The following GPR158 variants were observed in gnomAD, a reference collection of about 807,000 sequenced individuals.
GPR158 encodes metabotropic glycine receptor.
A neutral mutation model predicts 78.2 loss-of-function variants in GPR158; 30 were observed. The ratio of observed to expected loss-of-function variants is 0.38; its 90% CI spans 0.29 to 0.52. The LOEUF is 0.52. GPR158 is among the 20% of genes least tolerant of loss of function. The pLI is 0.83. For synonymous variants in GPR158, 581 were observed against 591.1 expected, an observed-to-expected ratio of 0.98 and a Z score of 0.25; for missense variants, 1,463 against 1,523.5, an observed-to-expected ratio of 0.96 and a Z score of 0.66.
At chr10:25,546,920 T>A (rs1836668739) in intron 5 of GPR158, among the ~76,000 whole-genome samples, 1 of 152,076 alleles carries the variant, frequency 6.6e-6, no homozygotes, top group Admixed American at 6.6e-5. Flanking sequence ...ACCGCAGGGA[T>A]CAGATTAGTG....
At chr10:25,272,738 G>A (rs1854133243) in intron 2 of GPR158, among the ~76,000 whole-genome samples, 1 of 152,212 alleles carries the variant, frequency 6.6e-6, no homozygotes, top group Admixed American at 6.5e-5. Flanking sequence ...CAGAGATTGG[G>A]TGGGGAGGGG....
At chr10:25,382,049 G>A (rs1291887168) in intron 2 of GPR158, among the ~76,000 whole-genome samples, 1 of 152,222 alleles carries the variant, frequency 6.6e-6, no homozygotes, top group Admixed American at 6.5e-5. Context: ...CCCCAGTGAT[G>A]TGAACTGTGA....
At chr10:25,594,543 T>C (rs1041049962) in intron 9 of GPR158, 146 bp downstream of exon 9, 3 of 478,310 alleles carry the variant, frequency 6.3e-6, no homozygotes, top group African/African-American at 6.1e-5. Context: ...CTGGCTGTTT[T>C]CTCTTTGAAT....
At chr10:25,300,494 A>G (rs1854576804) in intron 2 of GPR158, among the ~76,000 whole-genome samples, 2 of 152,154 alleles carry the variant, frequency 1.3e-5, no homozygotes, top group Non-Finnish European at 2.9e-5. Context: ...TGCCATGTAA[A>G]GTAACATTTA....
chr10:25,280,070 G>C (rs1466981760), intron 2 of GPR158, among the ~76,000 whole-genome samples: 1 of 151,506 alleles, frequency 6.6e-6, no homozygotes, highest in African/African-American at 2.4e-5. Context: ...AAAAAGCATA[G>C]AAAAATCAGG....
chr10:25,270,145 G>T (rs1229054125), intron 2 of GPR158, among the ~76,000 whole-genome samples: 1 of 152,128 alleles, frequency 6.6e-6, no homozygotes, highest in African/African-American at 2.4e-5. Context: ...GATACTTCAG[G>T]TGTACTCCAT....
At chr10:25,473,675 A>G (rs1226238993) in intron 5 of GPR158, among the ~76,000 whole-genome samples, 2 of 152,124 alleles carry the variant, frequency 1.3e-5, no homozygotes, top group African/African-American at 2.4e-5. Context: ...TTTCTGGTTT[A>G]GTCTCAGTAG....
At chr10:25,323,700 T>G (rs1355288592) in intron 2 of GPR158, among the ~76,000 whole-genome samples, 1 of 148,436 alleles carries the variant, frequency 6.7e-6, no homozygotes, top group Non-Finnish European at 1.5e-5. Flanking sequence ...TTTTTTTTTA[T>G]AGAGACAGGT....
chr10:25,597,848 A>C lies in GPR158; in HGVS notation c.2222A>C (p.Gln741Pro), dbSNP rs781564663. Residue 741 changes from glutamine (Q) to proline (P), a missense_variant, in exon 11 of 11, where the codon CAG (glutamine) becomes CCG (proline). By Grantham distance (76) the Gln-to-Pro change is moderately conservative. Coordinates refer to ENST00000376351, the MANE Select transcript of GPR158 (RefSeq NM_020752.3). ...ATGATCACAAACAACCCCCACCTCC[A>C]GAAAAAGCGGTGCTCGAAGAAGGGC... is the stretch of plus-strand genomic sequence containing the variant. ...KKMITNNPHL[Q>P]KKRCSKKGLG... is the part of the protein sequence containing the mutation. 2.6e-6 allele frequency: 4 copies of C among 1,545,268 alleles called. No individual in the cohort carries two copies. Among genetic ancestry groups the C allele is most frequent in the Non-Finnish European group, 3.5e-6 (4 of 1,149,762 alleles).
intron 5 of GPR158, among the ~76,000 whole-genome samples, chr10:25,515,555 T>G (rs1836155906): frequency 8.3e-6 from 1 of 120,902 alleles, no homozygotes; most frequent in African/African-American, 3.1e-5. Context: ...GAGTGTGATA[T>G]TCCCCTTCCT....
intron 5 of GPR158, among the ~76,000 whole-genome samples, chr10:25,470,573 A>G (rs1209826880): frequency 1.3e-5 from 2 of 152,232 alleles, no homozygotes; most frequent in Non-Finnish European, 2.9e-5. Flanking sequence ...TAATTTTTTC[A>G]TAAAGTCATC....
chr10:25,540,163 A>G (rs1203255178), intron 5 of GPR158, among the ~76,000 whole-genome samples: 1 of 152,236 alleles, frequency 6.6e-6, no homozygotes, highest in Admixed American at 6.5e-5. Context: ...AAAAGAAGAC[A>G]TTTATGCAGC....
At chr10:25,360,746 C>T (rs1227975015) in intron 2 of GPR158, among the ~76,000 whole-genome samples, 3 of 151,964 alleles carry the variant, frequency 2.0e-5, no homozygotes, top group East Asian at 1.9e-4. Context: ...TATATGGGCT[C>T]TTTTTTTGTT....
intron 4 of GPR158, among the ~76,000 whole-genome samples, chr10:25,413,331 G>C (rs1834618297): frequency 6.6e-6 from 1 of 152,150 alleles, no homozygotes; most frequent in Non-Finnish European, 1.5e-5. Context: ...ACCCTGCCCT[G>C]TCTCAATAAA....
intron 5 of GPR158, among the ~76,000 whole-genome samples, chr10:25,478,028 G>A (rs76134518): frequency 6.6e-6 from 1 of 152,296 alleles, no homozygotes; most frequent in African/African-American, 2.4e-5. Flanking sequence ...CAACCCATCA[G>A]AGAGAAGTCT....
At chr10:25,191,138 T>C (rs16925451) in intron 1 of GPR158, among the ~76,000 whole-genome samples, 1,595 of 152,358 alleles carry the variant, frequency 0.01, 67 homozygotes, top group South Asian at 0.053. Flanking sequence ...ACAAATGATA[T>C]TGAGGCATTC....
intron 2 of GPR158, among the ~76,000 whole-genome samples, chr10:25,278,151 C>T (rs995438574): frequency 6.6e-6 from 1 of 152,126 alleles, no homozygotes; most frequent in Non-Finnish European, 1.5e-5. Context: ...GATTTTAAAA[C>T]ACTTCAGATA....
chr10:25,328,233 A>G (rs977595755), intron 2 of GPR158, among the ~76,000 whole-genome samples: 2 of 152,132 alleles, frequency 1.3e-5, no homozygotes, highest in Non-Finnish European at 2.9e-5. Context: ...AATCCTCACA[A>G]TTTTCTATCC....
chr10:25,419,705 G>A (rs1834720206), intron 4 of GPR158, among the ~76,000 whole-genome samples: 1 of 152,124 alleles, frequency 6.6e-6, no homozygotes, highest in Non-Finnish European at 1.5e-5. Context: ...CCATCTTAAT[G>A]AGTGTGAAGT....
Sources: allele counts gnomAD v4.1 joint callset (sites outside exome capture counted in the v4.1 genomes callset), GRCh38; gene constraint gnomAD v4.1.1; transcripts MANE v1.5; gene names NCBI Gene and HGNC (gene_info 2026-07-23, HGNC 2026-07-21).